TTLL11: variants seen among roughly 807,000 people sequenced by gnomAD.
TTLL11 encodes tubulin polyglutamylase TTLL11.
In TTLL11, 42 loss-of-function variants were observed where a neutral mutation model predicts 51.7. That is an observed-to-expected ratio of 0.81 (90% confidence interval 0.64 to 1.05). The LOEUF (loss-of-function observed/expected upper bound fraction) is 1.05, where lower values mean the gene tolerates loss of function less well. Among genes scored for constraint, TTLL11 ranks in the 50% least tolerant of loss-of-function variants. The pLI is 0.00. For missense variants in TTLL11, 799 were observed against 940.4 expected (o/e 0.85, Z 1.97); for synonymous variants, 381 against 383.5 (o/e 0.99, Z 0.08).
intron 8 of TTLL11, among the ~76,000 whole-genome samples, chr9:121,832,554 T>A (rs576983347): frequency 6.6e-6 from 1 of 152,290 alleles, no homozygotes; most frequent in Non-Finnish European, 1.5e-5. Context: ...CCATTTTACA[T>A]TCAAGAAACT....
At chr9:122,091,675 TCTGTTACCCGCAGCAGATCC>T (rs1259617633) in intron 1 of TTLL11, among the ~76,000 whole-genome samples, 2 of 152,240 alleles carry the variant, frequency 1.3e-5, no homozygotes, top group African/African-American at 4.8e-5. Context: ...ACCTGAGTCC[TCTGTTACCCGCAGCAGATCC>T]CTGTTACCAC....
chr9:122,053,559 GA>G (rs1447384688), intron 1 of TTLL11, among the ~76,000 whole-genome samples: 2 of 152,144 alleles, frequency 1.3e-5, no homozygotes, highest in Non-Finnish European at 2.9e-5. Context: ...GACCAGGGCA[GA>G]ATGGAGAGTG....
intron 7 of TTLL11, among the ~76,000 whole-genome samples, chr9:121,860,793 C>A (rs1198865378): frequency 6.6e-6 from 1 of 152,200 alleles, no homozygotes; most frequent in Non-Finnish European, 1.5e-5. Flanking sequence ...GTCTTCCCAG[C>A]CTCCAGAACC....
chr9:122,039,129 CCTT>C (rs1844775905), intron 2 of TTLL11, 140 bp downstream of exon 2: 1 of 656,642 alleles, frequency 1.5e-6, no homozygotes, highest in Non-Finnish European at 2.6e-6. Context: ...ATCCTTAAAA[CCTT>C]AATGGCTAGT....
chr9:121,969,435 A>G (rs191220460), intron 6 of TTLL11, among the ~76,000 whole-genome samples: 4 of 152,196 alleles, frequency 2.6e-5, no homozygotes, highest in East Asian at 3.9e-4. Context: ...CCCAGAGTTC[A>G]GGGAGATGCA....
intron 6 of TTLL11, among the ~76,000 whole-genome samples, chr9:121,965,849 C>T (rs1288376678): frequency 6.6e-6 from 1 of 152,142 alleles, no homozygotes; most frequent in Non-Finnish European, 1.5e-5. Flanking sequence ...CTAATCTTCT[C>T]CAGGATTGGA....
Position 121,891,152 on chromosome 9 carries a change from T to G in TTLL11, c.1482-20404A>C, listed in dbSNP as rs1325285579. 2.0e-5 allele frequency among the ~76,000 whole-genome samples: 3 copies of G among 152,204 alleles called. No individual in the cohort carries two copies. The East Asian group carries it at 5.8e-4, about 29-fold the overall frequency. ...CGTCCTTGAACCCATCTCTAGCTGT[T>G]CTAAACTGCCAGCTCCACCAGGGCA... On this transcript the variant is annotated intron_variant, in intron 6 of 8. Coordinates refer to ENST00000321582, the MANE Select transcript of TTLL11 (RefSeq NM_001139442.2).
chr9:121,914,772 G>A (rs2131508938), intron 6 of TTLL11, among the ~76,000 whole-genome samples: 1 of 152,276 alleles, frequency 6.6e-6, no homozygotes, highest in African/African-American at 2.4e-5. Flanking sequence ...GGGGAGTGCT[G>A]CTTGGGAGCA....
chr9:121,879,528 C>T (rs1480683120), intron 6 of TTLL11, among the ~76,000 whole-genome samples: 1 of 152,248 alleles, frequency 6.6e-6, no homozygotes, highest in Non-Finnish European at 1.5e-5. Context: ...AGAAGGGGCA[C>T]TAGCAATGAC....
chr9:122,018,163 A>G, intron 3 of TTLL11, among the ~76,000 whole-genome samples: 1 of 134,136 alleles, frequency 7.5e-6, no homozygotes, highest in African/African-American at 2.9e-5. Context: ...CCCAGGCTGG[A>G]GTGCAGTGGC....
At chr9:121,906,339 A>ACTTT (rs10661179) in intron 6 of TTLL11, among the ~76,000 whole-genome samples, 76 of 142,838 alleles carry the variant, frequency 5.3e-4, no homozygotes, top group South Asian at 3.7e-3. Context: ...TTATGTAATA[A>ACTTT]TTTTTAAAAA....
chr9:122,090,579 G>C (rs566173699), intron 1 of TTLL11, among the ~76,000 whole-genome samples: 1 of 152,208 alleles, frequency 6.6e-6, no homozygotes, highest in Non-Finnish European at 1.5e-5. Context: ...TCCTTCCTGG[G>C]TGCCCCTCCT....
intron 6 of TTLL11, among the ~76,000 whole-genome samples, chr9:121,946,547 A>G (rs1212797183): frequency 1.3e-5 from 2 of 152,160 alleles, no homozygotes; most frequent in East Asian, 3.9e-4. Context: ...GTTCTTGTGC[A>G]AAAAACAGTT....
chr9:121,956,279 C>T (rs1412798253), intron 6 of TTLL11, among the ~76,000 whole-genome samples: 1 of 152,162 alleles, frequency 6.6e-6, no homozygotes. Flanking sequence ...CTTTCTCCTT[C>T]GTTAGAAGAA....
intron 8 of TTLL11, among the ~76,000 whole-genome samples, chr9:121,836,047 C>T (rs534355997): frequency 2.0e-5 from 3 of 152,300 alleles, no homozygotes; most frequent in South Asian, 2.1e-4. Flanking sequence ...GTATACAACA[C>T]GTGCTTAATA....
intron 3 of TTLL11, 147 bp downstream of exon 3, chr9:122,031,576 G>T: frequency 1.2e-6 from 1 of 868,722 alleles, no homozygotes; most frequent in Non-Finnish European, 1.7e-6. Flanking sequence ...TGTTTTGATA[G>T]CTGCCAACAC....
At chr9:121,934,287 T>A (rs73662535) in intron 6 of TTLL11, among the ~76,000 whole-genome samples, 4 of 152,058 alleles carry the variant, frequency 2.6e-5, no homozygotes, top group Admixed American at 6.5e-5. Flanking sequence ...CATCTTGCGC[T>A]TTGGATCTTT....
rs1292507882 is a variant in TTLL11, at chr9:121,822,985, C to T, written c.1841-106G>A. 7.9e-7 allele frequency: 1 copy of T among 1,269,118 alleles called. No homozygotes were observed. The highest frequency in any genetic ancestry group is 1.1e-6 in the Non-Finnish European group (1 of 937,788). The allele number at this position is 1,269,118 out of a possible 1,614,324, so 78.6% of individuals were successfully genotyped here. ...ATGTCAGCAAGAGCTAGCCCCGCTCCCCACCACCGTCTCCATTCCAGAAAC... is the reference window on the plus strand; with the variant it reads ...ATGTCAGCAAGAGCTAGCCCCGCTCTCCACCACCGTCTCCATTCCAGAAAC... On this transcript the variant is annotated intron_variant, in intron 8 of 8. Coordinates refer to ENST00000321582, the MANE Select transcript of TTLL11 (RefSeq NM_001139442.2). This position sits in a 1 kb window ranked among gnomAD's most constrained non-coding sequence, Gnocchi z 5.8.
chr9:121,874,504 T>C (rs1377632896), intron 6 of TTLL11, among the ~76,000 whole-genome samples: 1 of 152,222 alleles, frequency 6.6e-6, no homozygotes, highest in Non-Finnish European at 1.5e-5. Context: ...ACATTTTGAT[T>C]TCTTATCTAT....
Sources: allele counts gnomAD v4.1 joint callset (sites outside exome capture counted in the v4.1 genomes callset), GRCh38; gene constraint gnomAD v4.1.1; non-coding constraint Gnocchi (gnomAD v3.1); transcripts MANE v1.5; gene names NCBI Gene and HGNC (gene_info 2026-07-23, HGNC 2026-07-21).